NCKAP5: variants seen among roughly 807,000 people sequenced by gnomAD.
The protein encoded by NCKAP5 is NCK associated protein 5, also known as nck-associated protein 5.
In NCKAP5, 92 loss-of-function variants were observed where a neutral mutation model predicts 167.0. The ratio of observed to expected loss-of-function variants is 0.55; its 90% CI spans 0.47 to 0.66. The LOEUF is 0.66. NCKAP5 is among the 30% of genes least tolerant of loss of function. The probability of loss-of-function intolerance (pLI) is 0.00; values close to 1 mark genes in which losing one functional copy is unlikely to be tolerated. For synonymous variants in NCKAP5, 891 were observed against 877.4 expected (o/e 1.02, Z -0.27); for missense variants, 2,378 against 2,315.0 (o/e 1.03, Z -0.56).
rs187268434 is a variant in NCKAP5, at chr2:133,514,730, T to C, written c.69+2728A>G. Among the ~76,000 whole-genome samples the C allele has an allele frequency of 1.5e-3, 226 of 152,252 alleles. 2 individuals carry two copies. Among genetic ancestry groups the C allele is most frequent in the African/African-American group, 5.2e-3 (215 of 41,550 alleles). On this transcript the variant is annotated intron_variant, in intron 3 of 19. Coordinates refer to ENST00000409261, the MANE Select transcript of NCKAP5 (RefSeq NM_207363.3). Reference sequence around the variant, plus strand: ...ACGTAATATGTTTCTCTTTCCTCTATTCAGTTTCCCACAAGGACATCTTCT... The same window carrying C: ...ACGTAATATGTTTCTCTTTCCTCTACTCAGTTTCCCACAAGGACATCTTCT...
At chr2:132,894,516 T>A (rs558096541) in intron 8 of NCKAP5, among the ~76,000 whole-genome samples, 17 of 152,348 alleles carry the variant, frequency 1.1e-4, no homozygotes, top group African/African-American at 4.1e-4. Flanking sequence ...ATGCCAGCAG[T>A]CACAGCGACC....
At chr2:132,705,733 C>T (rs74601000) in intron 19 of NCKAP5, among the ~76,000 whole-genome samples, 1,761 of 152,162 alleles carry the variant, frequency 0.012, 41 homozygotes, top group African/African-American at 0.04. Flanking sequence ...ATACTTGATG[C>T]CCACATTTTA....
chr2:132,695,777 T>C (rs1687249495), intron 19 of NCKAP5, among the ~76,000 whole-genome samples: 1 of 152,180 alleles, frequency 6.6e-6, no homozygotes, highest in African/African-American at 2.4e-5. Flanking sequence ...CATATTTGCA[T>C]TTCCCCCATC....
At chr2:133,648,770 A>G in the NCKAP5 span, among the ~76,000 whole-genome samples, 1 of 151,982 alleles carries the variant, frequency 6.6e-6, no homozygotes, top group South Asian at 2.1e-4. Context: ...GGAAGCTAAT[A>G]ATGCAATAAA....
intron 8 of NCKAP5, among the ~76,000 whole-genome samples, chr2:132,948,732 C>T (rs1009256596): frequency 1.3e-5 from 2 of 152,064 alleles, no homozygotes; most frequent in Admixed American, 1.3e-4. Context: ...TCGTGGAAGC[C>T]CCGGCTTCTG....
chr2:132,932,465 C>G (rs554001058), intron 8 of NCKAP5, among the ~76,000 whole-genome samples: 3 of 152,208 alleles, frequency 2.0e-5, no homozygotes, highest in Non-Finnish European at 2.9e-5. Context: ...ATTGCATAAT[C>G]AGTCTAAGAA....
chr2:133,075,625 G>A (rs898392523), intron 6 of NCKAP5, among the ~76,000 whole-genome samples: 7 of 152,180 alleles, frequency 4.6e-5, no homozygotes, highest in African/African-American at 1.7e-4. Context: ...TCCACTTAAA[G>A]AGGTAAAATA....
At chr2:132,730,127 T>C (rs1319892561) in intron 17 of NCKAP5, among the ~76,000 whole-genome samples, 1 of 152,070 alleles carries the variant, frequency 6.6e-6, no homozygotes, top group Non-Finnish European at 1.5e-5. Context: ...GTGACAAAAA[T>C]TTCCTGCAGT....
chr2:132,929,632 T>TCTAGGAGCAAGCATAGCAAAG (rs1388323102), intron 8 of NCKAP5, among the ~76,000 whole-genome samples: 3 of 152,006 alleles, frequency 2.0e-5, no homozygotes, highest in African/African-American at 7.3e-5. Context: ...TTCTTTAGGG[T>TCTAGGAGCAAGCATAGCAAAG]CTAGGAGCAA....
chr2:133,219,695 C>T (rs2086578068), intron 4 of NCKAP5, among the ~76,000 whole-genome samples: 1 of 151,430 alleles, frequency 6.6e-6, no homozygotes, highest in South Asian at 2.1e-4. Context: ...TTTACATCAG[C>T]TGGAGTTTTT....
intron 4 of NCKAP5, among the ~76,000 whole-genome samples, chr2:133,251,969 T>C (rs549067988): frequency 9.2e-5 from 14 of 152,268 alleles, no homozygotes; most frequent in African/African-American, 3.1e-4. Context: ...TCTCTCCTAA[T>C]GTTTGGCCAC....
chr2:133,173,889 G>T (rs941494311), intron 5 of NCKAP5, among the ~76,000 whole-genome samples: 9 of 152,180 alleles, frequency 5.9e-5, no homozygotes, highest in Non-Finnish European at 1.2e-4. Flanking sequence ...TGGACACTGG[G>T]ATAGCTATAA....
At chr2:133,036,447 A>C (rs975673609) in intron 6 of NCKAP5, among the ~76,000 whole-genome samples, 3 of 152,058 alleles carry the variant, frequency 2.0e-5, no homozygotes, top group African/African-American at 7.2e-5. Context: ...TGAATTAAAC[A>C]ATACATTAGG....
intron 6 of NCKAP5, among the ~76,000 whole-genome samples, chr2:133,037,158 A>G (rs2079065193): frequency 6.6e-6 from 1 of 152,164 alleles, no homozygotes; most frequent in Non-Finnish European, 1.5e-5. Flanking sequence ...GAGGACATCA[A>G]TAAATGGAAT....
chr2:133,142,440 G>A (rs1405932265), intron 5 of NCKAP5, among the ~76,000 whole-genome samples: 1 of 152,170 alleles, frequency 6.6e-6, no homozygotes, highest in Non-Finnish European at 1.5e-5. Flanking sequence ...CATCATGACT[G>A]CAGGTCTTTT....
chr2:133,590,216 C>A, the NCKAP5 span, among the ~76,000 whole-genome samples: 2 of 152,070 alleles, frequency 1.3e-5, no homozygotes, highest in Admixed American at 1.3e-4. Flanking sequence ...GGTGGCCGGG[C>A]GCGGTGGCTC....
At chr2:133,546,907 A>G (rs1019277308) in intron 2 of NCKAP5, among the ~76,000 whole-genome samples, 1 of 152,214 alleles carries the variant, frequency 6.6e-6, no homozygotes, top group Non-Finnish European at 1.5e-5. Context: ...GCTACGGTCT[A>G]CAGCTCCCAG....
chr2:133,383,782 T>C (rs185822851), intron 3 of NCKAP5, among the ~76,000 whole-genome samples: 30 of 152,310 alleles, frequency 2.0e-4, no homozygotes, highest in African/African-American at 7.2e-4. Flanking sequence ...TGGTATCTCA[T>C]TGTGGTTTTG....
Position 133,266,616 on chromosome 2 carries a change from G to A in NCKAP5, c.143+36421C>T, listed in dbSNP as rs1244443224. Among the ~76,000 whole-genome samples the A allele has an allele frequency of 2.6e-5, 4 of 152,288 alleles. 1 individual carries two copies. Among genetic ancestry groups the A allele is most frequent in the South Asian group, 4.1e-4 (2 of 4,830 alleles). ...CTTCACTTCGGGGGCAGCAAGGCGCGCGCTGCAGAGCCGGGAGTTGCCAAA... is the reference window on the plus strand; with the variant it reads ...CTTCACTTCGGGGGCAGCAAGGCGCACGCTGCAGAGCCGGGAGTTGCCAAA... On this transcript the variant is annotated intron_variant, in intron 4 of 19. Transcript: ENST00000409261.
Sources: allele counts gnomAD v4.1 joint callset (sites outside exome capture counted in the v4.1 genomes callset), GRCh38; gene constraint gnomAD v4.1.1; transcripts MANE v1.5; gene names NCBI Gene and HGNC (gene_info 2026-07-23, HGNC 2026-07-21).